XRCC6: variants seen among roughly 807,000 people sequenced by gnomAD.
XRCC6 encodes the protein DNA repair protein Ku70.
Under a neutral mutation model 65.7 loss-of-function variants are expected in XRCC6, and 5 were observed. The observed-to-expected ratio is 0.08, with a 90% CI of 0.04 to 0.16. XRCC6 has a LOEUF of 0.16. Among genes scored for constraint, XRCC6 ranks in the 10% least tolerant of loss-of-function variants. The pLI, the probability that XRCC6 is intolerant of heterozygous loss-of-function variation, is 1.00. For missense variants in XRCC6, 447 were observed against 738.1 expected (o/e 0.61, Z 4.57); for synonymous variants, 270 against 270.6 (o/e 1.00, Z 0.02).
chr22:41,643,869 C>T, intron 6 of XRCC6, among the ~76,000 whole-genome samples: 1 of 147,608 alleles, frequency 6.8e-6, no homozygotes. Flanking sequence ...CTTGTAGTCC[C>T]AGCTACTTGG....
chr22:41,652,693 T>G (rs2068012200), intron 8 of XRCC6, among the ~76,000 whole-genome samples: 1 of 43,108 alleles, frequency 2.3e-5, no homozygotes, highest in Admixed American at 1.2e-4. Flanking sequence ...TTGTTTGTTT[T>G]GAAACAGTCT....
At chr22:41,649,158 A>ATG (rs2067969156) in intron 7 of XRCC6, among the ~76,000 whole-genome samples, 2 of 137,026 alleles carry the variant, frequency 1.5e-5, no homozygotes, top group Admixed American at 7.9e-5. Context: ...ATATATATAT[A>ATG]TATATGTATG....
chr22:41,654,180 T>C (rs1328306375), intron 9 of XRCC6, among the ~76,000 whole-genome samples: 5 of 152,228 alleles, frequency 3.3e-5, no homozygotes, highest in Non-Finnish European at 7.3e-5. Context: ...TGGGCCCATC[T>C]CTGCTGCTTG....
intron 2 of XRCC6, among the ~76,000 whole-genome samples, chr22:41,627,577 C>T (rs1264855887): frequency 6.9e-6 from 1 of 144,866 alleles, no homozygotes. Context: ...TGCCACTGTA[C>T]TCCACCCTGG....
At chr22:41,648,498 C>T (rs143330002) in intron 7 of XRCC6, among the ~76,000 whole-genome samples, 1 of 152,140 alleles carries the variant, frequency 6.6e-6, no homozygotes, top group African/African-American at 2.4e-5. Flanking sequence ...TGATATTTTT[C>T]CTGTGCCTTG....
chr22:41,633,671 G>A (rs1157580807), intron 3 of XRCC6, among the ~76,000 whole-genome samples: 3 of 152,042 alleles, frequency 2.0e-5, no homozygotes, highest in Non-Finnish European at 2.9e-5. Context: ...ATGAGCCACC[G>A]CACCTGGCCA....
At chr22:41,628,997 C>A (rs1028714032) in intron 3 of XRCC6, among the ~76,000 whole-genome samples, 2 of 144,218 alleles carry the variant, frequency 1.4e-5, no homozygotes, top group South Asian at 2.2e-4. Flanking sequence ...AAACAATTCT[C>A]CAAAGATATG....
At chr22:41,642,849 T>C (rs1021452795) in intron 6 of XRCC6, among the ~76,000 whole-genome samples, 1 of 152,222 alleles carries the variant, frequency 6.6e-6, no homozygotes, top group Non-Finnish European at 1.5e-5. Context: ...AAATGGTTGA[T>C]GTTGTTAGTA....
intron 11 of XRCC6, among the ~76,000 whole-genome samples, chr22:41,658,859 A>G (rs913445555): frequency 6.6e-6 from 1 of 152,238 alleles, no homozygotes; most frequent in Non-Finnish European, 1.5e-5. Flanking sequence ...TGAACTCAGG[A>G]GGCAGAGGCT....
At chr22:41,660,492 C>T (rs1314485297) in intron 11 of XRCC6, among the ~76,000 whole-genome samples, 1 of 152,146 alleles carries the variant, frequency 6.6e-6, no homozygotes, top group African/African-American at 2.4e-5. Flanking sequence ...TTATCTTACC[C>T]TCTTTCAGTT....
chr22:41,629,611 C>T (rs2067717252), intron 3 of XRCC6, among the ~76,000 whole-genome samples: 1 of 152,084 alleles, frequency 6.6e-6, no homozygotes, highest in Admixed American at 6.6e-5. Flanking sequence ...TTTTTTGGAA[C>T]TAGAGTTGGT....
At chr22:41,656,497 CAA>C (rs1207430322) in intron 9 of XRCC6, among the ~76,000 whole-genome samples, 2 of 142,354 alleles carry the variant, frequency 1.4e-5, no homozygotes, top group Non-Finnish European at 3.1e-5. Flanking sequence ...GCCTGGGCGA[CAA>C]GAGTGAAACT....
rs552090787 is a variant in XRCC6 at position 41,634,355 on chromosome 22, T to C, written c.196-1758T>C. ...GACTACAAGCATGTGCATGCCCAGC[T>C]AATTTTTTTGTTTTTTGTAGAGACA... On this transcript the variant is annotated intron_variant, in intron 3 of 12. Transcript: ENST00000360079. 8.4e-4 allele frequency among the ~76,000 whole-genome samples: 127 copies of C among 152,052 alleles called. 3 individuals carry two copies. In the South Asian group the frequency reaches 0.019, roughly 23 times the overall value.
chr22:41,656,218 A>AAG (rs1458889184), intron 9 of XRCC6, among the ~76,000 whole-genome samples: 5 of 150,124 alleles, frequency 3.3e-5, no homozygotes, highest in African/African-American at 1.2e-4. Flanking sequence ...CCTGTCTCAA[A>AAG]AAAAAAAAAA....
At chr22:41,643,682 G>C (rs148799135) in intron 6 of XRCC6, among the ~76,000 whole-genome samples, 2,571 of 151,494 alleles carry the variant, frequency 0.017, 81 homozygotes, top group African/African-American at 0.058. Context: ...TTAGCTGGGC[G>C]TGGTGGTGGG....
chr22:41,632,972 C>G (rs537909506), intron 3 of XRCC6, among the ~76,000 whole-genome samples: 2 of 149,454 alleles, frequency 1.3e-5, no homozygotes, highest in African/African-American at 4.9e-5. Context: ...ACTAAAAATA[C>G]AAAAATTAGC....
rs181733369 is a variant in XRCC6, at chr22:41,626,751, C to T, written c.83-1367C>T. ...CTCCCGGGTTCATGCCATTCCCCTGCCTCAGCCTCCCGAGTAGCTGGGACT... is the reference window on the plus strand; with the variant it reads ...CTCCCGGGTTCATGCCATTCCCCTGTCTCAGCCTCCCGAGTAGCTGGGACT... On this transcript the variant is annotated intron_variant, in intron 2 of 12. Coordinates refer to ENST00000360079, the MANE Select transcript of XRCC6 (RefSeq NM_001469.5). Among the ~76,000 whole-genome samples, 108 of 152,016 alleles carry T rather than the reference C, an allele frequency of 7.1e-4. 1 individual carries two copies. The highest frequency in any genetic ancestry group is 2.6e-3 in the African/African-American group (108 of 41,466).
chr22:41,660,232 A>G (rs917808468), intron 11 of XRCC6, among the ~76,000 whole-genome samples: 1 of 152,154 alleles, frequency 6.6e-6, no homozygotes, highest in African/African-American at 2.4e-5. Context: ...TTGATTTAAC[A>G]ATATAGTTGT....
chr22:41,653,390 C>T lies in XRCC6; in HGVS notation c.1130-139C>T, dbSNP rs528015424. ...CTGCACTCTATCCTGGGTGACAGAGCGAGACCCCGTCTCAAATAAATAAAT... is the reference window on the plus strand; with the variant it reads ...CTGCACTCTATCCTGGGTGACAGAGTGAGACCCCGTCTCAAATAAATAAAT... On this transcript the variant is annotated intron_variant, in intron 8 of 12. Coordinates refer to ENST00000360079, the MANE Select transcript of XRCC6 (RefSeq NM_001469.5). The T allele has an allele frequency of 1.4e-4, 112 of 798,338 alleles. No individual in the cohort carries two copies. In the African/African-American group the frequency reaches 1.7e-3, roughly 12 times the overall value. The allele number at this position is 798,338 out of a possible 1,614,324, so 49.5% of individuals were successfully genotyped here.
Sources: gnomAD v4.1 joint callset for allele counts (sites outside exome capture counted in the v4.1 genomes callset) on GRCh38, gnomAD v4.1.1 for gene constraint, MANE v1.5 for transcripts, NCBI Gene and HGNC (gene_info 2026-07-23, HGNC 2026-07-21) for gene names.